MEGF10: variants seen among roughly 807,000 people sequenced by gnomAD.
MEGF10 encodes the protein multiple EGF like domains 10, also known as multiple epidermal growth factor-like domains protein 10.
In MEGF10, 86 loss-of-function variants were observed where a neutral mutation model predicts 147.5. The ratio of observed to expected loss-of-function variants is 0.58; its 90% confidence interval spans 0.49 to 0.70. MEGF10 has a LOEUF of 0.70. MEGF10 is among the 30% of genes least tolerant of loss of function. MEGF10 has a pLI of 0.00. For missense variants in MEGF10, 1,329 were observed against 1,487.3 expected (o/e 0.89, Z 1.75); for synonymous variants, 478 against 525.5 (o/e 0.91, Z 1.24).
the MEGF10 span, among the ~76,000 whole-genome samples, chr5:127,238,067 A>G: frequency 7.0e-6 from 1 of 143,668 alleles, no homozygotes; most frequent in African/African-American, 2.6e-5. Flanking sequence ...ATATATATGT[A>G]TATACTGAGA....
chr5:127,439,538 C>T (rs987158987), intron 17 of MEGF10, among the ~76,000 whole-genome samples: 3 of 152,184 alleles, frequency 2.0e-5, no homozygotes, highest in Non-Finnish European at 4.4e-5. Flanking sequence ...AGGAAGGTAG[C>T]TGGCCCAAGC....
chr5:127,281,086 G>T, the MEGF10 span, among the ~76,000 whole-genome samples: 1 of 152,202 alleles, frequency 6.6e-6, no homozygotes, highest in African/African-American at 2.4e-5. Context: ...CATTGACGGT[G>T]AGAACTCCAG....
the MEGF10 span, among the ~76,000 whole-genome samples, chr5:127,246,901 T>TG: frequency 8.3e-5 from 12 of 143,952 alleles, no homozygotes; most frequent in Non-Finnish European, 3.0e-5. Context: ...CAATAATATA[T>TG]ACTATATAAT....
intron 16 of MEGF10, among the ~76,000 whole-genome samples, chr5:127,437,287 G>A (rs1054893189): frequency 3.3e-5 from 5 of 152,152 alleles, no homozygotes; most frequent in African/African-American, 1.2e-4. Flanking sequence ...CCTTGTACGA[G>A]TCACTATTAA....
rs191641742 is a variant in MEGF10, at chr5:127,312,333, G to A, written c.-18-18958G>A. 1.6e-4 allele frequency among the ~76,000 whole-genome samples: 24 copies of A among 152,332 alleles called. No individual in the cohort carries two copies. In the East Asian group the frequency reaches 3.8e-3, roughly 24 times the overall value. On this transcript the variant is annotated intron_variant, in intron 1 of 24. Transcript: ENST00000503335. ...CATAACAGAGACCAATGCCATTCAG[G>A]CAGTGAGCAGGAAGCTGCTTTTATG...
the MEGF10 span, among the ~76,000 whole-genome samples, chr5:127,263,560 G>A: frequency 6.6e-6 from 1 of 152,058 alleles, no homozygotes; most frequent in South Asian, 2.1e-4. Context: ...GTAAGCTGTA[G>A]GATTGCTTTT....
chr5:127,424,679 C>T, intron 13 of MEGF10: 1 of 602,934 alleles, frequency 1.7e-6, no homozygotes, highest in Non-Finnish European at 2.2e-6. Flanking sequence ...TTATTTTCTA[C>T]CAATAGGAGC....
rs1166247376 is a variant in MEGF10 at position 127,339,117 on chromosome 5, C to T, written c.117-3C>T. 4.5e-6 allele frequency: 7 copies of T among 1,569,046 alleles called. No individual in the cohort carries two copies. Among genetic ancestry groups the T allele is most frequent in the Non-Finnish European group, 5.2e-6 (6 of 1,147,452 alleles). On this transcript the variant is annotated splice_region_variant and splice_polypyrimidine_tract_variant and intron_variant, in intron 2 of 24. Coordinates refer to ENST00000503335, the MANE Select transcript of MEGF10 (RefSeq NM_001256545.2). ...GATTTCTTATTTTTCCATTTCTTTT[C>T]AGCTACTCAGTGACTGTGCAAGAGT...
chr5:127,425,491 T>G (rs962425348), intron 13 of MEGF10, among the ~76,000 whole-genome samples: 1 of 152,158 alleles, frequency 6.6e-6, no homozygotes, highest in African/African-American at 2.4e-5. Flanking sequence ...CATCTGTCAG[T>G]ATCTAAGCCT....
chr5:127,365,816 T>G (rs1340864733), intron 4 of MEGF10, among the ~76,000 whole-genome samples: 1 of 152,180 alleles, frequency 6.6e-6, no homozygotes, highest in Non-Finnish European at 1.5e-5. Context: ...TATCTTTGCT[T>G]GTTATTCTAG....
At chr5:127,393,895 T>C (rs1012629015) in intron 5 of MEGF10, among the ~76,000 whole-genome samples, 1 of 152,094 alleles carries the variant, frequency 6.6e-6, no homozygotes, top group Non-Finnish European at 1.5e-5. Flanking sequence ...GATAAGTTGT[T>C]GAATGAGGTG....
chr5:127,426,581 T>A lies in MEGF10; in HGVS notation c.1693+3809T>A, dbSNP rs77502477. 2.7e-3 allele frequency among the ~76,000 whole-genome samples: 387 copies of A among 143,682 alleles called. 1 individual carries two copies. The highest frequency in any genetic ancestry group is 8.6e-3 in the African/African-American group (349 of 40,528). 94.3% of individuals were successfully genotyped at this position (143,682 alleles called of 152,430 possible). On this transcript the variant is annotated intron_variant, in intron 13 of 24. Transcript: ENST00000503335. ...CTGGACCTCTGGTACACACACACAC[T>A]CTCTCTCTCTCTCTGCTATAAAATG...
At chr5:127,294,130 C>G (rs1293293104) in intron 1 of MEGF10, among the ~76,000 whole-genome samples, 1 of 152,224 alleles carries the variant, frequency 6.6e-6, no homozygotes, top group Admixed American at 6.5e-5. Context: ...ATTCAAATCC[C>G]TTTGAAGACT....
the MEGF10 span, among the ~76,000 whole-genome samples, chr5:127,238,892 T>C: frequency 6.6e-6 from 1 of 150,424 alleles, no homozygotes; most frequent in African/African-American, 2.5e-5. Flanking sequence ...ATGGATTATG[T>C]CTATAGGATA....
At chr5:127,309,114 C>G (rs1039821671) in intron 1 of MEGF10, among the ~76,000 whole-genome samples, 1 of 152,146 alleles carries the variant, frequency 6.6e-6, no homozygotes, top group African/African-American at 2.4e-5. Flanking sequence ...ACTGCATTAC[C>G]AGTCCATGTG....
intron 9 of MEGF10, among the ~76,000 whole-genome samples, chr5:127,416,260 C>T (rs1470560758): frequency 6.6e-6 from 1 of 151,768 alleles, no homozygotes; most frequent in Non-Finnish European, 1.5e-5. Context: ...GATCTCCTGA[C>T]CTCGTGATCC....
intron 4 of MEGF10, among the ~76,000 whole-genome samples, chr5:127,364,125 T>C (rs548123050): frequency 6.6e-6 from 1 of 152,374 alleles, no homozygotes; most frequent in East Asian, 1.9e-4. Flanking sequence ...TTTGTTGAGA[T>C]GTAATTCACA....
In MEGF10 at chr5:127,390,291, G is replaced by A. The variant is rs757566649; in HGVS notation, c.413-6241G>A. On this transcript the variant is annotated intron_variant, in intron 5 of 24. Transcript: ENST00000503335. Reference sequence around the variant, plus strand: ...TATTGCTAAAATTGGATTACATGGGGCATCTTTTTTTTTTTTGAGACAGAA... The same window carrying A: ...TATTGCTAAAATTGGATTACATGGGACATCTTTTTTTTTTTTGAGACAGAA... 3.2e-4 allele frequency among the ~76,000 whole-genome samples: 48 copies of A among 151,738 alleles called. 1 individual carries two copies. Among genetic ancestry groups the A allele is most frequent in the South Asian group, 4.2e-4 (2 of 4,788 alleles).
Position 127,449,154 on chromosome 5 carries a change from G to A in MEGF10, c.2912G>A (p.Gly971Asp). 1 of 1,614,078 alleles carries A rather than the reference G, an allele frequency of 6.2e-7. No homozygotes were observed. The highest frequency in any genetic ancestry group is 8.5e-7 in the Non-Finnish European group (1 of 1,179,974). ...NLKNVNPGKR[G>D]PVGDCTGTLP... Reference sequence around the variant, plus strand: ...AAAAATGTGAACCCTGGGAAGAGAGGCCCTGTGGGGGACTGCACTGGGACA... The same window carrying A: ...AAAAATGTGAACCCTGGGAAGAGAGACCCTGTGGGGGACTGCACTGGGACA... Residue 971 changes from glycine to aspartate, a missense_variant, in exon 22 of 25, where the codon GGC becomes GAC. By Grantham distance (94) the Gly-to-Asp change is moderately conservative (BLOSUM62 -1). Coordinates refer to ENST00000503335, the MANE Select transcript of MEGF10 (RefSeq NM_001256545.2).
Sources: allele counts gnomAD v4.1 joint callset (sites outside exome capture counted in the v4.1 genomes callset), GRCh38; gene constraint gnomAD v4.1.1; transcripts MANE v1.5; gene names NCBI Gene and HGNC (gene_info 2026-07-23, HGNC 2026-07-21).